CREBL2: variants seen among roughly 807,000 people sequenced by gnomAD.
CREBL2 encodes the protein cAMP-responsive element-binding protein-like 2.
A neutral mutation model predicts 19.5 loss-of-function variants in CREBL2; 4 were observed. The ratio of observed to expected loss-of-function variants is 0.20; its 90% CI spans 0.10 to 0.47. The LOEUF is 0.47. Among genes scored for constraint, CREBL2 ranks in the 20% least tolerant of loss-of-function variants. CREBL2 has a pLI of 0.98. For missense variants in CREBL2, 85 were observed against 145.1 expected, an observed-to-expected ratio of 0.59 and a Z score of 2.13; for synonymous variants, 42 against 46.6, an observed-to-expected ratio of 0.90 and a Z score of 0.40.
chr12:12,612,866 C>T (rs917026555), intron 1 of CREBL2, among the ~76,000 whole-genome samples: 8 of 152,038 alleles, frequency 5.3e-5, no homozygotes, highest in African/African-American at 1.7e-4. Flanking sequence ...TATGTATAGC[C>T]TTTTTGTCTT....
In CREBL2 at chr12:12,636,407, A is replaced by ATTTATT. The variant is rs1370198865; in HGVS notation, c.213+443_213+448dup. The stretch of plus-strand genomic sequence containing the variant: ...CATTTGTGTTTAAGTGACTTTATTT[A>ATTTATT]TTTATTTTTATTTTTTATTTTTTAT... On this transcript the variant is annotated intron_variant, in intron 2 of 3. Transcript: ENST00000228865. 5.3e-5 allele frequency among the ~76,000 whole-genome samples: 8 copies of ATTTATT among 152,134 alleles called. No homozygotes were observed. In the East Asian group the frequency reaches 1.4e-3, roughly 26 times the overall value.
chr12:12,625,985 G>A (rs906725462), intron 1 of CREBL2, among the ~76,000 whole-genome samples: 2 of 152,308 alleles, frequency 1.3e-5, no homozygotes, highest in East Asian at 3.9e-4. Flanking sequence ...TACCTCATCT[G>A]AGGTAATGTG....
intron 3 of CREBL2, among the ~76,000 whole-genome samples, chr12:12,641,253 A>ATTATTATTATTTTTTTT (rs1478394376): frequency 3.8e-5 from 3 of 78,244 alleles, no homozygotes; most frequent in Non-Finnish European, 5.0e-5. Context: ...TATTATTATT[A>ATTATTATTATTTTTTTT]TTTTTTTTTA....
chr12:12,634,835 C>T (rs905927790), intron 1 of CREBL2, among the ~76,000 whole-genome samples: 2 of 152,086 alleles, frequency 1.3e-5, no homozygotes, highest in Non-Finnish European at 2.9e-5. Flanking sequence ...GCAGGAGGAT[C>T]GCTTGAGGCC....
intron 1 of CREBL2, among the ~76,000 whole-genome samples, chr12:12,633,438 A>C (rs114040898): frequency 0.01 from 1,563 of 152,164 alleles, 22 homozygotes; most frequent in African/African-American, 0.035. Context: ...TCCATCTCAA[A>C]ACAAACAAAC....
At position 12,643,325 on chromosome 12, in the gene CREBL2, C is replaced by G. The variant is rs987757543; in HGVS notation, c.*1327C>G. 6.6e-6 allele frequency: 1 copy of G among 152,576 alleles called. No individual in the cohort carries two copies. Among genetic ancestry groups the G allele is most frequent in the African/African-American group, 2.4e-5 (1 of 41,422 alleles). The allele number at this position is 152,576 out of a possible 1,614,324, so 9.5% of individuals were successfully genotyped here. On this transcript the variant is annotated 3_prime_UTR_variant, in exon 4 of 4. Coordinates refer to ENST00000228865, the MANE Select transcript of CREBL2 (RefSeq NM_001310.4). Reference sequence around the variant, plus strand: ...CATAATATGATACACCCAGACAGACCCAGAAATCTTTTGATTTCCCCAGCG... The same window carrying G: ...CATAATATGATACACCCAGACAGACGCAGAAATCTTTTGATTTCCCCAGCG...
chr12:12,631,854 C>T (rs1004986101), intron 1 of CREBL2, among the ~76,000 whole-genome samples: 3 of 151,852 alleles, frequency 2.0e-5, no homozygotes, highest in Non-Finnish European at 1.5e-5. Context: ...ATAAAGTAGT[C>T]TCATATACAT....
intron 1 of CREBL2, 39 bp from the exon 2 acceptor site, chr12:12,635,738 A>T (rs927512643): frequency 1.9e-6 from 3 of 1,565,190 alleles, no homozygotes; most frequent in Admixed American, 1.9e-5. Context: ...CTGTACACAG[A>T]ACTAAGGAAA....
intron 1 of CREBL2, among the ~76,000 whole-genome samples, chr12:12,621,410 CGGGAG>C (rs1302840853): frequency 6.6e-6 from 1 of 150,496 alleles, no homozygotes; most frequent in Non-Finnish European, 1.5e-5. Flanking sequence ...CCCAGCTACT[CGGGAG>C]GCTGAGGCAG....
intron 1 of CREBL2, among the ~76,000 whole-genome samples, chr12:12,631,146 CTT>C (rs1277621636): frequency 6.6e-6 from 1 of 152,168 alleles, no homozygotes; most frequent in Non-Finnish European, 1.5e-5. Flanking sequence ...TGAAGACAGA[CTT>C]AGTATTTCAG....
chr12:12,628,558 CCT>C (rs1030712192), intron 1 of CREBL2, among the ~76,000 whole-genome samples: 1 of 152,052 alleles, frequency 6.6e-6, no homozygotes, highest in Non-Finnish European at 1.5e-5. Flanking sequence ...AGGAGTAAAT[CCT>C]CTGTTTTCCT....
At chr12:12,630,500 T>C (rs1288862321) in intron 1 of CREBL2, among the ~76,000 whole-genome samples, 2 of 152,108 alleles carry the variant, frequency 1.3e-5, no homozygotes, top group Non-Finnish European at 2.9e-5. Context: ...TAATGGTCCG[T>C]CTAGCTAAAG....
At chr12:12,633,803 A>T (rs1419327176) in intron 1 of CREBL2, among the ~76,000 whole-genome samples, 1 of 152,210 alleles carries the variant, frequency 6.6e-6, no homozygotes, top group Non-Finnish European at 1.5e-5. Flanking sequence ...AACAAATCAG[A>T]GTTTTTGTTT....
chr12:12,621,127 G>A (rs1307247282), intron 1 of CREBL2, among the ~76,000 whole-genome samples: 1 of 152,204 alleles, frequency 6.6e-6, no homozygotes, highest in East Asian at 1.9e-4. Flanking sequence ...ACACCATATG[G>A]TCTCTGTTGG....
In CREBL2 at chr12:12,612,015, C is replaced by G. The variant is rs1296502231; in HGVS notation, c.-158C>G. ...CCATTCCTGAACTGGTCCCTCGTCC[C>G]CGTGACTCTGGCATCAGGGAAGCGA... On this transcript the variant is annotated 5_prime_UTR_variant, in exon 1 of 4. Coordinates refer to ENST00000228865, the MANE Select transcript of CREBL2 (RefSeq NM_001310.4). 19 of 879,234 alleles carry G rather than the reference C, an allele frequency of 2.2e-5. No individual in the cohort carries two copies. The Admixed American group carries it at 4.4e-4, about 21-fold the overall frequency. The allele number at this position is 879,234 out of a possible 1,614,324, so 54.5% of individuals were successfully genotyped here. A position where few individuals can be genotyped will look rare whatever the true frequency, so the allele number is the denominator to read the frequency against.
In CREBL2 at chr12:12,612,032, G is replaced by T. The variant is rs1052727394; in HGVS notation, c.-141G>T. Reference sequence around the variant, plus strand: ...CCTCGTCCCCGTGACTCTGGCATCAGGGAAGCGAACTGTTAGGCGAGAGGA... The same window carrying T: ...CCTCGTCCCCGTGACTCTGGCATCATGGAAGCGAACTGTTAGGCGAGAGGA... On this transcript the variant is annotated 5_prime_UTR_variant, in exon 1 of 4. In the 5' UTR this introduces an upstream ATG that the reference lacks. Transcript: ENST00000228865. The T allele has an allele frequency of 9.9e-7, 1 of 1,013,186 alleles. No individual in the cohort carries two copies. The highest frequency in any genetic ancestry group is 1.4e-5 in the South Asian group (1 of 71,116). The allele number at this position is 1,013,186 out of a possible 1,614,324, so 62.8% of individuals were successfully genotyped here. A position where few individuals can be genotyped will look rare whatever the true frequency, so the allele number is the denominator to read the frequency against.
intron 1 of CREBL2, among the ~76,000 whole-genome samples, chr12:12,617,596 G>T (rs1945320165): frequency 7.8e-6 from 1 of 128,718 alleles, no homozygotes; most frequent in Non-Finnish European, 1.6e-5. Flanking sequence ...GATTCCTTGT[G>T]CTTTACTACG....
intron 3 of CREBL2, among the ~76,000 whole-genome samples, chr12:12,641,226 TTTA>T (rs1193355722): frequency 5.8e-5 from 7 of 120,964 alleles, no homozygotes; most frequent in South Asian, 2.8e-4. Context: ...GTCACAAACC[TTTA>T]TTATTATTAT....
Position 12,614,730 on chromosome 12 carries a change from G to A in CREBL2, c.15+2543G>A, listed in dbSNP as rs770759163. The A allele has an allele frequency of 1.5e-4, 47 of 307,766 alleles. 1 individual carries two copies. The highest frequency in any genetic ancestry group is 4.0e-4 in the Admixed American group (10 of 25,192). 19.1% of individuals were successfully genotyped at this position (307,766 alleles called of 1,614,324 possible). A position where few individuals can be genotyped will look rare whatever the true frequency, so the allele number is the denominator to read the frequency against. ...GTCAGCTCTTAAGAGTACTTAATAT[G>A]CTCAATATACACATTAATTCTCTTG... On this transcript the variant is annotated intron_variant, in intron 1 of 3. Coordinates refer to ENST00000228865, the MANE Select transcript of CREBL2 (RefSeq NM_001310.4).
Sources: gnomAD v4.1 joint callset for allele counts (sites outside exome capture counted in the v4.1 genomes callset) on GRCh38, gnomAD v4.1.1 for gene constraint, MANE v1.5 for transcripts, NCBI Gene and HGNC (gene_info 2026-07-23, HGNC 2026-07-21) for gene names.